The following DIP2B variants were observed in gnomAD, a reference collection of about 807,000 sequenced individuals.
DIP2B encodes DIP2 acetate--CoA ligase B (putative), also known as disco-interacting protein 2 homolog B.
In DIP2B, 76 loss-of-function variants were observed where a neutral mutation model predicts 198.0. The observed-to-expected ratio is 0.38, with a 90% confidence interval of 0.32 to 0.46. DIP2B has a LOEUF of 0.46. DIP2B is among the 20% of genes least tolerant of loss of function. The pLI, the probability that DIP2B is intolerant of heterozygous loss-of-function variation, is 0.99. For synonymous variants in DIP2B, 701 were observed against 739.1 expected (o/e 0.95, Z 0.84); for missense variants, 1,559 against 1,978.4 (o/e 0.79, Z 4.02).
chr12:50,720,921 C>G (rs775683780), intron 25 of DIP2B, among the ~76,000 whole-genome samples: 12 of 152,140 alleles, frequency 7.9e-5, no homozygotes, highest in Non-Finnish European at 1.6e-4. Context: ...CCACTTCTGC[C>G]CCTTGAGTAG....
intron 3 of DIP2B, among the ~76,000 whole-genome samples, chr12:50,658,874 G>A (rs1261857164): frequency 6.6e-6 from 1 of 152,052 alleles, no homozygotes; most frequent in Non-Finnish European, 1.5e-5. Flanking sequence ...AGATGACAAG[G>A]TCAGGAGTTC....
At chr12:50,728,933 T>G (rs921945782) in intron 30 of DIP2B, among the ~76,000 whole-genome samples, 1 of 152,188 alleles carries the variant, frequency 6.6e-6, no homozygotes, top group African/African-American at 2.4e-5. Context: ...TGCTCCACCA[T>G]GTAATCCTTG....
intron 30 of DIP2B, among the ~76,000 whole-genome samples, chr12:50,730,685 C>T (rs962813968): frequency 5.9e-5 from 9 of 152,192 alleles, no homozygotes; most frequent in African/African-American, 2.2e-4. Flanking sequence ...CCGTGCCTGG[C>T]CACTTGAATA....
intron 4 of DIP2B, among the ~76,000 whole-genome samples, chr12:50,662,520 G>A (rs1174905234): frequency 2.0e-5 from 3 of 152,182 alleles, no homozygotes; most frequent in Non-Finnish European, 4.4e-5. Flanking sequence ...AGTAGAATTT[G>A]CTGTTCCCAC....
intron 12 of DIP2B, among the ~76,000 whole-genome samples, chr12:50,689,305 T>C (rs1048456663): frequency 1.3e-5 from 2 of 151,800 alleles, no homozygotes; most frequent in African/African-American, 4.8e-5. Flanking sequence ...AGGCTGAGCC[T>C]GGGAGCTCAA....
intron 1 of DIP2B, among the ~76,000 whole-genome samples, chr12:50,571,587 C>CT (rs1958615462): frequency 8.2e-6 from 1 of 121,284 alleles, no homozygotes; most frequent in Non-Finnish European, 1.6e-5. Flanking sequence ...GAGTCTCACT[C>CT]TGTCACCTAG....
chr12:50,655,737 TG>T (rs1565860444), intron 3 of DIP2B, among the ~76,000 whole-genome samples: 2 of 152,224 alleles, frequency 1.3e-5, no homozygotes, highest in African/African-American at 4.8e-5. Context: ...CCCAGCACTT[TG>T]GGAGGCCAAG....
At position 50,721,199 on chromosome 12, in the gene DIP2B, T is replaced by A. The variant is rs1184417520; in HGVS notation, c.3043-74T>A. The A allele has an allele frequency of 2.6e-6, 4 of 1,549,218 alleles. No homozygotes were observed. The East Asian group carries it at 6.8e-5, about 26-fold the overall frequency. ...AAGCACAAGCCTTTCAGGTATGATG[T>A]TGAATTGGCTGTGCTTATTACTGTT... is the stretch of plus-strand genomic sequence containing the variant. On this transcript the variant is annotated intron_variant, in intron 25 of 37. Transcript: ENST00000301180.
At chr12:50,605,425 A>T (rs1565842303) in intron 1 of DIP2B, among the ~76,000 whole-genome samples, 1 of 152,120 alleles carries the variant, frequency 6.6e-6, no homozygotes, top group Non-Finnish European at 1.5e-5. Context: ...TTAGCCATGC[A>T]GGGTGGTGTG....
chr12:50,532,932 GC>G (rs1295033724), intron 1 of DIP2B, among the ~76,000 whole-genome samples: 1 of 152,186 alleles, frequency 6.6e-6, no homozygotes, highest in Non-Finnish European at 1.5e-5. Context: ...GACTCCTCTG[GC>G]CCTCACCGGG....
intron 21 of DIP2B, among the ~76,000 whole-genome samples, chr12:50,707,977 G>A (rs1475923362): frequency 1.3e-5 from 2 of 150,988 alleles, no homozygotes; most frequent in African/African-American, 2.4e-5. Context: ...GAACCTTTTC[G>A]CTTTCCGTTC....
chr12:50,701,581 A>G (rs1181636542), intron 19 of DIP2B, among the ~76,000 whole-genome samples: 2 of 151,720 alleles, frequency 1.3e-5, no homozygotes, highest in East Asian at 3.9e-4. Context: ...ATGGGGTTTC[A>G]CCGTGTTGGC....
chr12:50,574,910 C>T (rs1958645522), intron 1 of DIP2B, among the ~76,000 whole-genome samples: 1 of 152,234 alleles, frequency 6.6e-6, no homozygotes, highest in African/African-American at 2.4e-5. Flanking sequence ...AGGCAGTCCT[C>T]TTTGCCTTTC....
rs148340079 is a variant in DIP2B, at chr12:50,723,277, C to G, written c.3242C>G (p.Ala1081Gly). ...CCTGTGACCGTCAGACCTCCACATG[C>G]TCAGAACCTCACGGCCACGCTGCCC... ...CIPVTVRPPH[A>G]QNLTATLPTV... The change falls in exon 27 of 38, where the codon GCT (alanine) becomes GGT (glycine). Residue 1081 changes from alanine (A) to glycine (G), a missense_variant. By Grantham distance (60) the Ala-to-Gly change is moderately conservative. Transcript: ENST00000301180. 1.2e-6 allele frequency: 2 copies of G among 1,614,062 alleles called. No individual in the cohort carries two copies. The highest frequency in any genetic ancestry group is 1.7e-6 in the Non-Finnish European group (2 of 1,180,046).
At chr12:50,645,785 G>A (rs1362865588) in intron 3 of DIP2B, among the ~76,000 whole-genome samples, 2 of 152,064 alleles carry the variant, frequency 1.3e-5, no homozygotes, top group East Asian at 1.9e-4. Context: ...AAATAATAAA[G>A]GCAAGACAGT....
At chr12:50,682,990 C>G (rs1565869622) in intron 9 of DIP2B, 148 bp from the exon 10 acceptor site, 1 of 645,074 alleles carries the variant, frequency 1.6e-6, no homozygotes, top group Non-Finnish European at 2.5e-6. Context: ...GTCTCTATCT[C>G]AGTAACTTAA....
At chr12:50,699,257 G>A (rs193296321) in intron 19 of DIP2B, 55 bp downstream of exon 19, 85 of 1,605,738 alleles carry the variant, frequency 5.3e-5, no homozygotes, top group Non-Finnish European at 6.0e-5. Flanking sequence ...AGGATGTTAC[G>A]AGGGCAGATC....
intron 3 of DIP2B, among the ~76,000 whole-genome samples, chr12:50,652,985 C>G (rs985432277): frequency 6.6e-6 from 1 of 151,718 alleles, no homozygotes; most frequent in Admixed American, 6.6e-5. Context: ...CCTCTGTTGC[C>G]TAGGCTGGAG....
chr12:50,698,606 T>C (rs1939360893), intron 18 of DIP2B, 139 bp downstream of exon 18: 11 of 1,048,842 alleles, frequency 1.0e-5, no homozygotes, highest in Non-Finnish European at 1.4e-5. Context: ...GCCTCTCTAA[T>C]AGTTAAGTCA....
Sources: allele counts gnomAD v4.1 joint callset (sites outside exome capture counted in the v4.1 genomes callset), GRCh38; gene constraint gnomAD v4.1.1; transcripts MANE v1.5; gene names NCBI Gene and HGNC (gene_info 2026-07-23, HGNC 2026-07-21).